The following SOBP variants were observed in gnomAD, a reference collection of about 807,000 sequenced individuals.
SOBP encodes sine oculis-binding protein homolog.
SOBP carries 4 observed loss-of-function variants against 53.6 expected under a neutral mutation model. The observed-to-expected ratio is 0.07, with a 90% CI of 0.04 to 0.17. The LOEUF is 0.17. Among genes scored for constraint, SOBP ranks in the 10% least tolerant of loss-of-function variants. The pLI, the probability that SOBP is intolerant of heterozygous loss-of-function variation, is 1.00. For missense variants in SOBP, 1,088 were observed against 1,204.7 expected, an observed-to-expected ratio of 0.90 and a Z score of 1.43; for synonymous variants, 584 against 522.6, an observed-to-expected ratio of 1.12 and a Z score of -1.60.
intron 6 of SOBP, among the ~76,000 whole-genome samples, chr6:107,639,507 T>C (rs1023421467): frequency 6.6e-6 from 1 of 152,210 alleles, no homozygotes; most frequent in African/African-American, 2.4e-5. Flanking sequence ...ATCTTCAACT[T>C]TTAAGACTCC....
chr6:107,652,531 C>T (rs1477338405), intron 6 of SOBP, among the ~76,000 whole-genome samples: 1 of 152,160 alleles, frequency 6.6e-6, no homozygotes, highest in East Asian at 1.9e-4. Context: ...ATGCTGTGAA[C>T]AATGATGAAA....
intron 1 of SOBP, among the ~76,000 whole-genome samples, chr6:107,497,374 T>C (rs753372744): frequency 7.9e-5 from 12 of 152,226 alleles, no homozygotes; most frequent in Non-Finnish European, 1.5e-4. Flanking sequence ...TTTATTGTCA[T>C]TAGGACTGTG....
intron 4 of SOBP, among the ~76,000 whole-genome samples, chr6:107,572,582 G>A (rs534568022): frequency 7.0e-4 from 107 of 152,278 alleles, no homozygotes; most frequent in South Asian, 5.2e-3. Flanking sequence ...GGGATTACAG[G>A]CATGAGCCAC....
chr6:107,528,951 T>G (rs1314107225), intron 3 of SOBP, among the ~76,000 whole-genome samples: 1 of 152,220 alleles, frequency 6.6e-6, no homozygotes, highest in Non-Finnish European at 1.5e-5. Context: ...CAATGGAGAT[T>G]AATGTTAGTA....
chr6:107,654,247 GATAC>G (rs1401818938), intron 6 of SOBP, among the ~76,000 whole-genome samples: 2 of 152,232 alleles, frequency 1.3e-5, no homozygotes, highest in Non-Finnish European at 2.9e-5. Flanking sequence ...GTACATGTAT[GATAC>G]ATATATAGCA....
At position 107,634,851 on chromosome 6, in the gene SOBP, C is replaced by T; in HGVS notation, c.2007C>T (p.His669=). 2 of 1,395,066 alleles carry T rather than the reference C, an allele frequency of 1.4e-6. No homozygotes were observed. The highest frequency in any genetic ancestry group is 2.9e-5 in the South Asian group (2 of 70,052). 86.4% of individuals were successfully genotyped at this position (1,395,066 alleles called of 1,614,324 possible). A position where few individuals can be genotyped will look rare whatever the true frequency, so the allele number is the denominator to read the frequency against. The stretch of plus-strand genomic sequence containing the variant: ...GAGCCCGGCTGCACAACGTGATCCA[C>T]CGCGCGCTGCACGCGCACGTCAAGG... ...GHRARLHNVI[H]RALHAHVKAE... The change falls in exon 6 of 7, where the codon CAC becomes CAT. Residue 669 remains histidine (H), a synonymous_variant. Transcript: ENST00000317357. The surrounding 1 kb of genome is among the most constrained non-coding windows in gnomAD (Gnocchi z 4.5).
At chr6:107,498,747 T>C (rs1215601527) in intron 1 of SOBP, among the ~76,000 whole-genome samples, 2 of 152,234 alleles carry the variant, frequency 1.3e-5, no homozygotes, top group African/African-American at 4.8e-5. Context: ...TAAAATTTAG[T>C]TTCCACCTAT....
chr6:107,571,365 A>C (rs1445370302), intron 4 of SOBP, among the ~76,000 whole-genome samples: 1 of 152,228 alleles, frequency 6.6e-6, no homozygotes, highest in Non-Finnish European at 1.5e-5. Context: ...TCCATTACTA[A>C]AGGGCAGGGG....
intron 3 of SOBP, chr6:107,510,758 A>G (rs1783147164): frequency 6.6e-6 from 1 of 152,224 alleles, no homozygotes; most frequent in Non-Finnish European, 1.5e-5. Context: ...ATGTAGGTTA[A>G]TGCTGCATTC....
At chr6:107,575,436 A>G (rs1283606582) in intron 4 of SOBP, among the ~76,000 whole-genome samples, 1 of 152,160 alleles carries the variant, frequency 6.6e-6, no homozygotes, top group East Asian at 1.9e-4. Context: ...GCCTTCATAC[A>G]GTGGGGTTTC....
rs1224560967 is a variant in SOBP, at chr6:107,635,103, C to T, written c.2259C>T (p.Pro753=). ...EQPPPPPPPA[P]PKKLLSPEEP... ...CGCCGCCGCCGCCGCCGCCCGCGCC[C>T]CCCAAGAAGCTGCTGTCGCCTGAGG... The change falls in exon 6 of 7, where the codon CCC becomes CCT. Residue 753 remains proline (P), a synonymous_variant. Coordinates refer to ENST00000317357, the MANE Select transcript of SOBP (RefSeq NM_018013.4). This position sits in a 1 kb window ranked among gnomAD's most constrained non-coding sequence, Gnocchi z 4.5. 2 of 1,607,762 alleles carry T rather than the reference C, an allele frequency of 1.2e-6. No homozygotes were observed. The highest frequency in any genetic ancestry group is 1.1e-5 in the South Asian group (1 of 90,740).
At chr6:107,645,725 T>A (rs846960) in intron 6 of SOBP, among the ~76,000 whole-genome samples, 25,770 of 152,148 alleles carry the variant, frequency 0.17, 2,555 homozygotes, top group South Asian at 0.27. Context: ...AGCGTCTCCA[T>A]AGAGGAACAG....
intron 4 of SOBP, among the ~76,000 whole-genome samples, chr6:107,572,772 A>G (rs1038218835): frequency 1.3e-5 from 2 of 152,244 alleles, no homozygotes; most frequent in African/African-American, 4.8e-5. Context: ...GTAAATCAGC[A>G]AATGATAAAG....
chr6:107,502,658 C>T (rs934552404), intron 1 of SOBP, among the ~76,000 whole-genome samples: 3 of 151,988 alleles, frequency 2.0e-5, no homozygotes, highest in Admixed American at 6.6e-5. Flanking sequence ...TTATTTGGTA[C>T]TTTTATGTTA....
At chr6:107,523,290 A>T (rs1394808142) in intron 3 of SOBP, among the ~76,000 whole-genome samples, 1 of 152,218 alleles carries the variant, frequency 6.6e-6, no homozygotes, top group East Asian at 1.9e-4. Context: ...AGGGATTGGC[A>T]TAGGGCCCCT....
chr6:107,599,491 C>T (rs1033200462), intron 5 of SOBP, among the ~76,000 whole-genome samples: 3 of 151,618 alleles, frequency 2.0e-5, no homozygotes, highest in Non-Finnish European at 4.4e-5. Flanking sequence ...AGACAGAAAA[C>T]TGGTATTTAT....
chr6:107,629,661 T>C (rs1218603198), intron 5 of SOBP, among the ~76,000 whole-genome samples: 2 of 152,248 alleles, frequency 1.3e-5, no homozygotes, highest in African/African-American at 2.4e-5. Context: ...GCAAGTGATA[T>C]ATGTGCTGAG....
intron 4 of SOBP, among the ~76,000 whole-genome samples, chr6:107,577,840 G>A (rs1027857294): frequency 2.6e-5 from 4 of 152,144 alleles, no homozygotes; most frequent in Non-Finnish European, 5.9e-5. Flanking sequence ...TTGGGAGGCC[G>A]AGGCAGGTGG....
Position 107,659,326 on chromosome 6 carries a change from A to G in SOBP, c.*1123A>G, listed in dbSNP as rs1772197402. ...AAGAGAAATGTGCAATTCGATCCTC[A>G]ATCAGTGGGTGGAGGATAACAGGGT... On this transcript the variant is annotated 3_prime_UTR_variant, in exon 7 of 7. Transcript: ENST00000317357. The G allele has an allele frequency of 1.3e-5, 2 of 152,646 alleles. No individual in the cohort carries two copies. The highest frequency in any genetic ancestry group is 6.5e-5 in the Admixed American group (1 of 15,282). The allele number at this position is 152,646 out of a possible 1,614,324, so 9.5% of individuals were successfully genotyped here. A position where few individuals can be genotyped will look rare whatever the true frequency, so the allele number is the denominator to read the frequency against.
Sources: allele counts gnomAD v4.1 joint callset (sites outside exome capture counted in the v4.1 genomes callset), GRCh38; gene constraint gnomAD v4.1.1; non-coding constraint Gnocchi (gnomAD v3.1); transcripts MANE v1.5; gene names NCBI Gene and HGNC (gene_info 2026-07-23, HGNC 2026-07-21).